IGSF21: variants seen among roughly 807,000 people sequenced by gnomAD.
IGSF21 encodes immunoglobin superfamily member 21, also known as immunoglobulin superfamily member 21.
Under a neutral mutation model 46.8 loss-of-function variants are expected in IGSF21, and 28 were observed. The observed-to-expected ratio is 0.60, with a 90% CI of 0.44 to 0.82. The LOEUF is 0.82. Among genes scored for constraint, IGSF21 ranks in the 40% least tolerant of loss-of-function variants. The probability of loss-of-function intolerance (pLI) is 0.00; values close to 1 mark genes in which losing one functional copy is unlikely to be tolerated. For synonymous variants in IGSF21, 284 were observed against 273.6 expected (o/e 1.04, Z -0.38); for missense variants, 624 against 665.5 (o/e 0.94, Z 0.69).
chr1:18,377,581 G>C (rs1419434450), intron 9 of IGSF21, 150 bp downstream of exon 9: 4 of 704,520 alleles, frequency 5.7e-6, no homozygotes, highest in African/African-American at 1.8e-5. Context: ...GCAGAGTCAG[G>C]GTCCAAAGTG....
chr1:18,297,672 AGCATCTGCACATCACCCAC>A (rs1186525776), intron 3 of IGSF21, among the ~76,000 whole-genome samples: 1 of 152,232 alleles, frequency 6.6e-6, no homozygotes, highest in East Asian at 1.9e-4. Context: ...AAAATGGCAC[AGCATCTGCACATCACCCAC>A]GCACATCCAC....
chr1:18,153,780 G>A (rs1416210608), intron 1 of IGSF21, among the ~76,000 whole-genome samples: 1 of 152,100 alleles, frequency 6.6e-6, no homozygotes, highest in African/African-American at 2.4e-5. Context: ...GTTGGTCTGA[G>A]CCCCAGATGC....
intron 4 of IGSF21, among the ~76,000 whole-genome samples, chr1:18,353,311 TG>T (rs1205396928): frequency 6.6e-6 from 1 of 151,922 alleles, no homozygotes; most frequent in Admixed American, 6.6e-5. Flanking sequence ...GGGCTTAGGA[TG>T]GGGCTGGAGA....
chr1:18,363,365 C>A (rs1394500766), intron 5 of IGSF21, among the ~76,000 whole-genome samples: 1 of 152,192 alleles, frequency 6.6e-6, no homozygotes, highest in Non-Finnish European at 1.5e-5. Flanking sequence ...GGAATCTAGG[C>A]CAGCCCTGCC....
intron 2 of IGSF21, among the ~76,000 whole-genome samples, chr1:18,257,952 G>A (rs1434335577): frequency 2.0e-5 from 3 of 152,206 alleles, no homozygotes; most frequent in Admixed American, 6.5e-5. Flanking sequence ...TCAAAAGTGA[G>A]TGATGCTCTT....
intron 3 of IGSF21, among the ~76,000 whole-genome samples, chr1:18,295,252 A>T (rs2085301890): frequency 6.6e-6 from 1 of 152,166 alleles, no homozygotes; most frequent in African/African-American, 2.4e-5. Context: ...CACATCTATC[A>T]AATGCTTTTC....
chr1:18,231,922 C>CGTGTGTGTGTGT (rs150869622), intron 2 of IGSF21, among the ~76,000 whole-genome samples: 2,337 of 136,454 alleles, frequency 0.017, 37 homozygotes, highest in South Asian at 0.037. Context: ...ATCATTAGAT[C>CGTGTGTGTGTGT]GTGTGTGTGT....
intron 1 of IGSF21, among the ~76,000 whole-genome samples, chr1:18,177,993 G>A (rs1233643989): frequency 1.3e-5 from 2 of 152,028 alleles, no homozygotes; most frequent in Admixed American, 1.3e-4. Flanking sequence ...AGCTCTCATT[G>A]GCCAGTGCTT....
At chr1:18,130,191 G>A (rs577082023) in intron 1 of IGSF21, among the ~76,000 whole-genome samples, 5 of 152,266 alleles carry the variant, frequency 3.3e-5, no homozygotes, top group East Asian at 3.9e-4. Flanking sequence ...CACAAAAGCC[G>A]TGGGAAACCC....
chr1:18,300,944 T>C (rs1388766706), intron 3 of IGSF21, among the ~76,000 whole-genome samples: 1 of 152,210 alleles, frequency 6.6e-6, no homozygotes, highest in African/African-American at 2.4e-5. Context: ...TCTTCATCTC[T>C]GGGTCCTCCA....
chr1:18,246,759 C>A (rs2084788230), intron 2 of IGSF21, among the ~76,000 whole-genome samples: 1 of 152,236 alleles, frequency 6.6e-6, no homozygotes, highest in African/African-American at 2.4e-5. Flanking sequence ...TCCACACCAA[C>A]AACAGGCTTG....
At chr1:18,193,361 T>G (rs565646620) in intron 1 of IGSF21, among the ~76,000 whole-genome samples, 1 of 152,140 alleles carries the variant, frequency 6.6e-6, no homozygotes, top group Non-Finnish European at 1.5e-5. Context: ...GAATCTGTAT[T>G]AGCCAGGGTT....
Position 18,363,413 on chromosome 1 carries a change from G to A in IGSF21, c.540+1183G>A, listed in dbSNP as rs1010370656. On this transcript the variant is annotated intron_variant, in intron 5 of 9. Transcript: ENST00000251296. ...GCAGGGTGGTAAATGGGTCTGTAGA[G>A]GTCCAGGACAGGGCAGTAAGCAGGT... is the stretch of plus-strand genomic sequence containing the variant. Among the ~76,000 whole-genome samples the A allele has an allele frequency of 2.0e-5, 3 of 151,960 alleles. No individual in the cohort carries two copies. In the East Asian group the frequency reaches 5.8e-4, roughly 29 times the overall value.
chr1:18,328,993 C>T (rs2085685301), intron 3 of IGSF21, among the ~76,000 whole-genome samples: 2 of 152,150 alleles, frequency 1.3e-5, no homozygotes, highest in Non-Finnish European at 2.9e-5. Context: ...AAATAAAAGG[C>T]CATCCTGTTT....
intron 1 of IGSF21, among the ~76,000 whole-genome samples, chr1:18,195,802 GAC>G (rs1429992938): frequency 6.6e-6 from 1 of 152,220 alleles, no homozygotes; most frequent in African/African-American, 2.4e-5. Flanking sequence ...TGAAATGAAA[GAC>G]AGTCTGGTGG....
chr1:18,278,537 T>C (rs1321863138), intron 2 of IGSF21, among the ~76,000 whole-genome samples: 2 of 124,178 alleles, frequency 1.6e-5, no homozygotes, highest in African/African-American at 7.8e-5. Context: ...TTTTTTTTGT[T>C]TGTTTGTTTG....
Position 18,326,872 on chromosome 1 carries a change from G to A in IGSF21, c.306-8020G>A, listed in dbSNP as rs552162330. 3.9e-5 allele frequency among the ~76,000 whole-genome samples: 6 copies of A among 152,270 alleles called. No homozygotes were observed. In the South Asian group the frequency reaches 1.2e-3, roughly 32 times the overall value. Reference sequence around the variant, plus strand: ...CAGGCCAGATCTTCGCTGTCATAAGGTCACTCTGACAGCAGGGTGGGGGCC... The same window carrying A: ...CAGGCCAGATCTTCGCTGTCATAAGATCACTCTGACAGCAGGGTGGGGGCC... On this transcript the variant is annotated intron_variant, in intron 3 of 9. Transcript: ENST00000251296.
At chr1:18,340,311 G>A (rs1478012311) in intron 4 of IGSF21, among the ~76,000 whole-genome samples, 1 of 152,122 alleles carries the variant, frequency 6.6e-6, no homozygotes, top group Non-Finnish European at 1.5e-5. Context: ...GAGACAAATG[G>A]GATGTCAGTG....
At chr1:18,284,356 C>T (rs186686486) in intron 2 of IGSF21, among the ~76,000 whole-genome samples, 9 of 152,244 alleles carry the variant, frequency 5.9e-5, no homozygotes, top group African/African-American at 2.2e-4. Context: ...TACTACGTGC[C>T]GGTTCCCATG....
Sources: gnomAD v4.1 joint callset for allele counts (sites outside exome capture counted in the v4.1 genomes callset) on GRCh38, gnomAD v4.1.1 for gene constraint, MANE v1.5 for transcripts, NCBI Gene and HGNC (gene_info 2026-07-23, HGNC 2026-07-21) for gene names.